SNTB1: variants seen among roughly 807,000 people sequenced by gnomAD.
SNTB1 encodes the protein beta-1-syntrophin.
In SNTB1, 36 loss-of-function variants were observed where a neutral mutation model predicts 48.9. The observed-to-expected ratio is 0.74, with a 90% CI of 0.56 to 0.97. The LOEUF (loss-of-function observed/expected upper bound fraction) is 0.97, where lower values mean the gene tolerates loss of function less well. Among genes scored for constraint, SNTB1 ranks in the 50% least tolerant of loss-of-function variants. The probability of loss-of-function intolerance (pLI) is 0.00; values close to 1 mark genes in which losing one functional copy is unlikely to be tolerated. For synonymous variants in SNTB1, 299 were observed against 294.6 expected (o/e 1.01, Z -0.15); for missense variants, 786 against 703.4 (o/e 1.12, Z -1.33).
intron 4 of SNTB1, among the ~76,000 whole-genome samples, chr8:120,552,970 C>T (rs548156391): frequency 2.6e-5 from 4 of 152,060 alleles, no homozygotes; most frequent in East Asian, 3.9e-4. Flanking sequence ...AGAACTCTTG[C>T]GAGAATCTAA....
At chr8:120,579,877 T>C (rs1563822557) in intron 3 of SNTB1, among the ~76,000 whole-genome samples, 1 of 152,198 alleles carries the variant, frequency 6.6e-6, no homozygotes, top group Non-Finnish European at 1.5e-5. Context: ...AAAGCTGTCT[T>C]ACAGACAGTA....
At chr8:120,584,367 A>G (rs1007418352) in intron 3 of SNTB1, among the ~76,000 whole-genome samples, 1 of 136,342 alleles carries the variant, frequency 7.3e-6, no homozygotes, top group Non-Finnish European at 1.5e-5. Flanking sequence ...CGAACCCAGG[A>G]GGCAGAGGTT....
In SNTB1 at chr8:120,639,986, G is replaced by A. The variant is rs955114897; in HGVS notation, c.789-7335C>T. Among the ~76,000 whole-genome samples the A allele has an allele frequency of 4.0e-4, 60 of 151,742 alleles. 1 individual carries two copies. The highest frequency in any genetic ancestry group is 7.4e-4 in the Non-Finnish European group (50 of 67,924). On this transcript the variant is annotated intron_variant, in intron 2 of 6. Coordinates refer to ENST00000517992, the MANE Select transcript of SNTB1 (RefSeq NM_021021.4). ...CGTTGGGCAGTATGGCCATTTTCAC[G>A]ATATTGATTCTTCCTATCCATGAGC...
At chr8:120,749,259 G>C (rs556599630) in intron 1 of SNTB1, among the ~76,000 whole-genome samples, 2 of 152,034 alleles carry the variant, frequency 1.3e-5, no homozygotes, top group African/African-American at 4.8e-5. Context: ...AAATTTGCTT[G>C]GGCAAACCAC....
chr8:120,581,369 C>A (rs552482846), intron 3 of SNTB1, among the ~76,000 whole-genome samples: 8 of 152,038 alleles, frequency 5.3e-5, no homozygotes, highest in African/African-American at 1.9e-4. Context: ...TTTGGGAGGC[C>A]GAGGTGGGCA....
At chr8:120,774,130 A>T (rs529024910) in intron 1 of SNTB1, among the ~76,000 whole-genome samples, 1 of 152,370 alleles carries the variant, frequency 6.6e-6, no homozygotes, top group Non-Finnish European at 1.5e-5. Context: ...TGGGAGGATG[A>T]TGCAACCAAC....
intron 1 of SNTB1, among the ~76,000 whole-genome samples, chr8:120,739,773 A>T (rs555624000): frequency 2.0e-5 from 3 of 152,370 alleles, no homozygotes; most frequent in African/African-American, 4.8e-5. Context: ...TTAAATATTT[A>T]CAAAGCACTT....
At chr8:120,760,312 A>AAAG (rs1554584683) in intron 1 of SNTB1, among the ~76,000 whole-genome samples, 1 of 151,930 alleles carries the variant, frequency 6.6e-6, no homozygotes, top group African/African-American at 2.4e-5. Context: ...AAAAAAAAAA[A>AAAG]ACCCTGAAAA....
At chr8:120,804,165 C>T (rs1184093911) in intron 1 of SNTB1, among the ~76,000 whole-genome samples, 2 of 151,740 alleles carry the variant, frequency 1.3e-5, no homozygotes. Flanking sequence ...CCAATTCTTT[C>T]TCTCCCTTTC....
Position 120,811,700 on chromosome 8 carries a change from C to T in SNTB1, c.144G>A (p.Leu48=), listed in dbSNP as rs556533558. 144 of 1,586,606 alleles carry T rather than the reference C, an allele frequency of 9.1e-5. 1 individual carries two copies. The South Asian group carries it at 1.5e-3, about 16-fold the overall frequency. The part of the protein sequence containing the change: ...LVNLSEDALV[L]SSEEGAAAYN... ...ACGCCGCAGCGCCCTCCTCGCTGCT[C>T]AGAACCAGGGCGTCCTCGCTCAAGT... is the stretch of plus-strand genomic sequence containing the variant. The change falls in exon 1 of 7, where the codon CTG becomes CTA. Residue 48 remains leucine, a synonymous_variant. Transcript: ENST00000517992.
chr8:120,759,987 A>C (rs1819388705), intron 1 of SNTB1, among the ~76,000 whole-genome samples: 1 of 152,200 alleles, frequency 6.6e-6, no homozygotes, highest in South Asian at 2.1e-4. Context: ...CCAGATGATA[A>C]ATAACTTAAG....
chr8:120,580,694 G>A (rs963887459), intron 3 of SNTB1, among the ~76,000 whole-genome samples: 6 of 152,176 alleles, frequency 3.9e-5, no homozygotes, highest in Non-Finnish European at 7.3e-5. Flanking sequence ...TAGCACAAAG[G>A]ACAAGCTATC....
At chr8:120,590,670 G>C (rs866911155) in intron 3 of SNTB1, among the ~76,000 whole-genome samples, 12 of 139,486 alleles carry the variant, frequency 8.6e-5, no homozygotes, top group Non-Finnish European at 1.2e-4. Context: ...TCTTTCTTTT[G>C]TTTTCTTTTC....
At chr8:120,664,359 T>C (rs1817640065) in intron 2 of SNTB1, among the ~76,000 whole-genome samples, 1 of 152,236 alleles carries the variant, frequency 6.6e-6, no homozygotes, top group South Asian at 2.1e-4. Context: ...TTTCTATAAC[T>C]GCATTTCTAA....
At chr8:120,708,014 AC>A (rs1160273906) in intron 1 of SNTB1, among the ~76,000 whole-genome samples, 6 of 152,140 alleles carry the variant, frequency 3.9e-5, no homozygotes, top group Admixed American at 2.0e-4. Context: ...TCCTAAAAAA[AC>A]ATACAAACTG....
At chr8:120,736,335 A>C (rs1818944204) in intron 1 of SNTB1, among the ~76,000 whole-genome samples, 1 of 152,148 alleles carries the variant, frequency 6.6e-6, no homozygotes, top group Non-Finnish European at 1.5e-5. Flanking sequence ...AAAATTGGAG[A>C]GATAATAGCT....
At chr8:120,809,698 A>C (rs1193195828) in intron 1 of SNTB1, among the ~76,000 whole-genome samples, 1 of 151,360 alleles carries the variant, frequency 6.6e-6, no homozygotes, top group Non-Finnish European at 1.5e-5. Flanking sequence ...CACTTGCCCC[A>C]GATCCCACCT....
chr8:120,720,232 G>A (rs906536078), intron 1 of SNTB1, among the ~76,000 whole-genome samples: 1 of 152,238 alleles, frequency 6.6e-6, no homozygotes, highest in Non-Finnish European at 1.5e-5. Flanking sequence ...ACCCCAGATG[G>A]TGAGGCTGTC....
At chr8:120,757,887 C>T (rs937340346) in intron 1 of SNTB1, among the ~76,000 whole-genome samples, 1 of 152,016 alleles carries the variant, frequency 6.6e-6, no homozygotes, top group Non-Finnish European at 1.5e-5. Flanking sequence ...TTAGTGATGG[C>T]CATGTTTTTC....
Sources: gnomAD v4.1 joint callset for allele counts (sites outside exome capture counted in the v4.1 genomes callset) on GRCh38, gnomAD v4.1.1 for gene constraint, MANE v1.5 for transcripts, NCBI Gene and HGNC (gene_info 2026-07-23, HGNC 2026-07-21) for gene names.